The following TTC23L variants were observed in gnomAD, a reference collection of about 807,000 sequenced individuals.
TTC23L encodes tetratricopeptide repeat protein 23-like.
In TTC23L, 42 loss-of-function variants were observed where a neutral mutation model predicts 48.1. That is an observed-to-expected ratio of 0.87 (90% confidence interval 0.68 to 1.13). TTC23L has a LOEUF of 1.13. TTC23L is among the 50% of genes most tolerant of loss of function. TTC23L has a pLI of 0.00. For synonymous variants in TTC23L, 159 were observed against 157.2 expected, an observed-to-expected ratio of 1.01 and a Z score of -0.09; for missense variants, 391 against 421.0, an observed-to-expected ratio of 0.93 and a Z score of 0.62.
intron 9 of TTC23L, among the ~76,000 whole-genome samples, chr5:34,893,879 A>G (rs1264439949): frequency 6.6e-6 from 1 of 152,192 alleles, no homozygotes; most frequent in Admixed American, 6.5e-5. Flanking sequence ...GAGACACTTC[A>G]AAGAGGAAGA....
the TTC23L span, chr5:34,911,418 G>A: frequency 1.9e-6 from 2 of 1,043,974 alleles, no homozygotes; most frequent in Non-Finnish European, 2.8e-6. Flanking sequence ...AAAATTATGA[G>A]GTAAGAGTAC....
At chr5:34,916,165 T>C in the TTC23L span, 9 of 346,682 alleles carry the variant, frequency 2.6e-5, no homozygotes, top group Non-Finnish European at 4.7e-5. Context: ...CCAGCGTTCT[T>C]TCTTACTAGT....
intron 4 of TTC23L, among the ~76,000 whole-genome samples, chr5:34,857,707 T>A (rs1252239875): frequency 6.6e-6 from 1 of 152,180 alleles, no homozygotes; most frequent in South Asian, 2.1e-4. Flanking sequence ...TATTTAATCC[T>A]TTTTTTATAT....
chr5:34,896,229 T>C (rs1284701756), intron 9 of TTC23L, among the ~76,000 whole-genome samples: 1 of 152,224 alleles, frequency 6.6e-6, no homozygotes, highest in Non-Finnish European at 1.5e-5. Flanking sequence ...CCCCAGCTAC[T>C]CTGCCACGCC....
At chr5:34,905,303 A>ACAAG in the TTC23L span, 1 of 152,202 alleles carries the variant, frequency 6.6e-6, no homozygotes, top group Non-Finnish European at 1.5e-5. Flanking sequence ...GGGATAAGGG[A>ACAAG]CAAGCAATGT....
the TTC23L span, chr5:34,922,426 T>G: frequency 3.3e-6 from 3 of 913,282 alleles, no homozygotes; most frequent in Non-Finnish European, 5.1e-6. Flanking sequence ...ACTTGATACC[T>G]TTAAAGAAAA....
Position 34,863,090 on chromosome 5 carries a change from G to T in TTC23L, c.536+36G>T, listed in dbSNP as rs1444174664. 5.6e-6 allele frequency: 9 copies of T among 1,611,256 alleles called. No individual in the cohort carries two copies. In the South Asian group the frequency reaches 9.9e-5, roughly 18 times the overall value. ...ATTCCTAGCTGCGTTTAGTGTTCGG[G>T]GCCACAGGCCACACATGCCAGATGG... On this transcript the variant is annotated intron_variant, in intron 5 of 10. Coordinates refer to ENST00000505624, the Ensembl canonical transcript of TTC23L. The surrounding 1 kb of genome is among the most constrained non-coding windows in gnomAD (Gnocchi z 4.1).
intron 2 of TTC23L, among the ~76,000 whole-genome samples, chr5:34,844,461 AG>A (rs905068996): frequency 8.6e-5 from 13 of 150,484 alleles, no homozygotes; most frequent in Non-Finnish European, 1.5e-4. Context: ...AAAAAAAAAA[AG>A]GTTACACTTG....
the TTC23L span, chr5:34,918,264 G>A: frequency 3.4e-5 from 20 of 594,436 alleles, no homozygotes; most frequent in Middle Eastern, 4.1e-4. Flanking sequence ...GCAGTGAGCC[G>A]TGAGCACTTC....
intron 4 of TTC23L, among the ~76,000 whole-genome samples, chr5:34,853,051 G>T (rs1759808730): frequency 6.6e-6 from 1 of 152,162 alleles, no homozygotes; most frequent in Non-Finnish European, 1.5e-5. Context: ...TGGGGATTAT[G>T]GGAGCCACAA....
intron 9 of TTC23L, 80 bp downstream of exon 9, chr5:34,880,388 T>C (rs1350172480): frequency 7.1e-7 from 1 of 1,418,216 alleles, no homozygotes; most frequent in African/African-American, 1.4e-5. Context: ...ACAATTCAGA[T>C]ACTGGAGATC....
At chr5:34,867,241 C>A in intron 7 of TTC23L, 172 bp downstream of exon 7, 1 of 706,916 alleles carries the variant, frequency 1.4e-6, no homozygotes, top group Non-Finnish European at 2.4e-6. Flanking sequence ...CCTTAAATGA[C>A]CAGGCCAGAG....
intron 9 of TTC23L, among the ~76,000 whole-genome samples, chr5:34,888,241 T>C (rs929674506): frequency 5.9e-5 from 9 of 152,182 alleles, no homozygotes; most frequent in Non-Finnish European, 1.0e-4. Context: ...CCATTTGTAA[T>C]AGGGATTCAA....
At chr5:34,845,782 C>G in intron 3 of TTC23L, 109 bp downstream of exon 3, 1 of 1,158,278 alleles carries the variant, frequency 8.6e-7, no homozygotes, top group Non-Finnish European at 1.2e-6. Context: ...AGGAAGGTGT[C>G]ATATTTCTTT....
At chr5:34,897,403 ATT>A (rs1305952571) in intron 10 of TTC23L, among the ~76,000 whole-genome samples, 9 of 151,208 alleles carry the variant, frequency 6.0e-5, no homozygotes, top group Middle Eastern at 3.4e-3. Flanking sequence ...TAAAAAAAAA[ATT>A]AAACATTAAA....
the TTC23L span, among the ~76,000 whole-genome samples, chr5:34,917,221 G>T: frequency 6.6e-6 from 1 of 152,202 alleles, no homozygotes; most frequent in South Asian, 2.1e-4. Context: ...ATTGCATTAG[G>T]CTTCATTTGG....
chr5:34,892,894 G>A (rs531294379), intron 9 of TTC23L, among the ~76,000 whole-genome samples: 53 of 152,266 alleles, frequency 3.5e-4, no homozygotes, highest in Middle Eastern at 6.8e-3. Context: ...TATGTACTGC[G>A]CTAAGGCATT....
the TTC23L span, chr5:34,907,928 G>GC: frequency 6.6e-6 from 1 of 152,226 alleles, no homozygotes; most frequent in East Asian, 1.9e-4. Flanking sequence ...AATTTAGCAG[G>GC]CATCAGAATC....
rs114097043 is a variant in TTC23L at position 34,849,925 on chromosome 5, G to T, written c.256-260G>T. 6.8e-3 allele frequency among the ~76,000 whole-genome samples: 1,037 copies of T among 152,318 alleles called. 7 individuals are homozygous for T. The highest frequency in any genetic ancestry group is 0.021 in the African/African-American group (892 of 41,564). ...AGGGCCAGAGAGGAAGCAATTGGAA[G>T]GGGCTGCTGTGGCCAGCCAGGTCAA... On this transcript the variant is annotated intron_variant, in intron 3 of 10. Transcript: ENST00000505624.
Sources: gnomAD v4.1 joint callset for allele counts (sites outside exome capture counted in the v4.1 genomes callset) on GRCh38, gnomAD v4.1.1 for gene constraint, Gnocchi (gnomAD v3.1) non-coding constraint, MANE v1.5 for transcripts, NCBI Gene and HGNC (gene_info 2026-07-23, HGNC 2026-07-21) for gene names.